Variants in CFAP251 observed in about 807,000 individuals in gnomAD.
CFAP251 encodes cilia and flagella associated protein 251.
Under a neutral mutation model 126.7 loss-of-function variants are expected in CFAP251, and 93 were observed. That is an observed-to-expected ratio of 0.73 (90% CI 0.62 to 0.87). The LOEUF (loss-of-function observed/expected upper bound fraction) is 0.87. CFAP251 is among the 40% of genes least tolerant of loss of function. CFAP251 has a pLI of 0.00. For missense variants in CFAP251, 1,287 were observed against 1,389.2 expected (o/e 0.93, Z 1.17); for synonymous variants, 503 against 506.9 (o/e 0.99, Z 0.10).
rs75803897 is a variant in CFAP251 at position 121,978,488 on chromosome 12, G to C, written c.3006+2803G>C. Among the ~76,000 whole-genome samples, 193 of 144,360 alleles carry C rather than the reference G, an allele frequency of 1.3e-3. 5 individuals are homozygous for C. The East Asian group carries it at 0.035, about 26-fold the overall frequency. The allele number at this position is 144,360 out of a possible 152,430, so 94.7% of individuals were successfully genotyped here. ...TTAACTTTTTCTAATTTAGAAAATAGAATTATAAAGAAGAAAATAGAAATT... is the reference window on the plus strand; with the variant it reads ...TTAACTTTTTCTAATTTAGAAAATACAATTATAAAGAAGAAAATAGAAATT... On this transcript the variant is annotated intron_variant, in intron 19 of 21. Coordinates refer to ENST00000288912, the MANE Select transcript of CFAP251 (RefSeq NM_144668.6).
At chr12:121,952,128 G>A (rs563496602) in intron 9 of CFAP251, among the ~76,000 whole-genome samples, 2 of 151,580 alleles carry the variant, frequency 1.3e-5, no homozygotes, top group Non-Finnish European at 2.9e-5. Context: ...TTGTGGGGGT[G>A]CAGTGGCTCT....
chr12:121,979,560 C>CTTTTTT (rs1244446250), intron 19 of CFAP251, among the ~76,000 whole-genome samples: 2 of 35,318 alleles, frequency 5.7e-5, no homozygotes, highest in African/African-American at 1.4e-4. Flanking sequence ...CAGCTTTCTT[C>CTTTTTT]TTCTTTTTTT....
intron 12 of CFAP251, 146 bp from the exon 13 acceptor site, chr12:121,958,797 T>G: frequency 9.4e-6 from 10 of 1,066,798 alleles, no homozygotes; most frequent in Non-Finnish European, 1.3e-5. Context: ...CCCCAGGAGA[T>G]CACGCGTTTC....
At chr12:121,967,419 C>T (rs145883696) in intron 16 of CFAP251, among the ~76,000 whole-genome samples, 73 of 152,302 alleles carry the variant, frequency 4.8e-4, no homozygotes, top group African/African-American at 1.5e-3. Flanking sequence ...AGTGTAAAGT[C>T]GGGCCAGGTG....
intron 4 of CFAP251, chr12:121,933,092 A>T (rs756814082): frequency 1.3e-5 from 2 of 152,258 alleles, no homozygotes; most frequent in African/African-American, 4.8e-5. Flanking sequence ...CCCTGCTCTC[A>T]TGGAGCTTAC....
intron 15 of CFAP251, among the ~76,000 whole-genome samples, chr12:121,965,958 G>A (rs1306134149): frequency 6.6e-6 from 1 of 150,930 alleles, no homozygotes; most frequent in Admixed American, 6.6e-5. Context: ...ACCAAGCCAG[G>A]CTAATTTTTC....
intron 2 of CFAP251, 108 bp downstream of exon 2, chr12:121,921,791 C>CAT: frequency 2.8e-6 from 2 of 715,374 alleles, no homozygotes; most frequent in Non-Finnish European, 3.8e-6. Flanking sequence ...ACAATCCATT[C>CAT]CTTTTTTTTT....
intron 19 of CFAP251, chr12:121,998,488 T>TATATATATA (rs1230224761): frequency 2.8e-5 from 3 of 105,548 alleles, no homozygotes; most frequent in African/African-American, 6.9e-5. Flanking sequence ...TATATATATA[T>TATATATATA]GATTGTGTTA....
Position 122,001,207 on chromosome 12 carries a change from C to T in CFAP251, c.3236-290C>T, listed in dbSNP as rs1883139704. ...GAGTAGCTGGGATTACAGGCCGCGCCACCACACCCGGCTAATTTTTGTATT... is the reference window on the plus strand; with the variant it reads ...GAGTAGCTGGGATTACAGGCCGCGCTACCACACCCGGCTAATTTTTGTATT... On this transcript the variant is annotated intron_variant, in intron 20 of 21. Coordinates refer to ENST00000288912, the MANE Select transcript of CFAP251 (RefSeq NM_144668.6). Among the ~76,000 whole-genome samples the T allele has an allele frequency of 2.6e-5, 4 of 151,768 alleles. No individual in the cohort carries two copies. In the South Asian group the frequency reaches 8.3e-4, roughly 32 times the overall value.
chr12:121,943,235 C>T (rs978711658), intron 7 of CFAP251, among the ~76,000 whole-genome samples: 1 of 151,666 alleles, frequency 6.6e-6, no homozygotes, highest in Non-Finnish European at 1.5e-5. Flanking sequence ...ATTTCTTGAA[C>T]CTGGGAGGCA....
chr12:121,935,064 A>T (rs1279476966), intron 5 of CFAP251, among the ~76,000 whole-genome samples: 2 of 152,190 alleles, frequency 1.3e-5, no homozygotes, highest in African/African-American at 4.8e-5. Flanking sequence ...GGACTCTCAA[A>T]GCACTGGGAT....
intron 3 of CFAP251, among the ~76,000 whole-genome samples, chr12:121,927,692 C>T (rs1306891484): frequency 6.6e-6 from 1 of 152,198 alleles, no homozygotes; most frequent in African/African-American, 2.4e-5. Context: ...AGTGAACGTG[C>T]TCCTCCATCT....
chr12:122,001,640 C>T, intron 21 of CFAP251, 42 bp downstream of exon 21: 1 of 1,513,830 alleles, frequency 6.6e-7, no homozygotes, highest in Non-Finnish European at 9.2e-7. Flanking sequence ...CTGTGGCTCA[C>T]TGATTTGTTG....
At chr12:121,944,534 A>G (rs978572022) in intron 7 of CFAP251, among the ~76,000 whole-genome samples, 3 of 152,122 alleles carry the variant, frequency 2.0e-5, no homozygotes, top group Non-Finnish European at 4.4e-5. Flanking sequence ...CTTGCCGTTT[A>G]TTTATGTCTT....
At chr12:121,973,755 G>A (rs956087665) in intron 17 of CFAP251, among the ~76,000 whole-genome samples, 1 of 152,048 alleles carries the variant, frequency 6.6e-6, no homozygotes, top group African/African-American at 2.4e-5. Context: ...CCTTTGTTTC[G>A]GCCAATTCCT....
intron 20 of CFAP251, among the ~76,000 whole-genome samples, chr12:122,000,414 T>A (rs569271451): frequency 3.0e-4 from 45 of 151,840 alleles, no homozygotes; most frequent in African/African-American, 1.1e-3. Flanking sequence ...TAGCCGGGTA[T>A]GGTGGCACAC....
intron 19 of CFAP251, among the ~76,000 whole-genome samples, chr12:121,983,852 A>T (rs1244931324): frequency 6.6e-6 from 1 of 152,192 alleles, no homozygotes; most frequent in African/African-American, 2.4e-5. Context: ...CTGAAGCTAC[A>T]CCGGGAGAAG....
At chr12:121,960,508 G>A (rs1482107611) in intron 13 of CFAP251, 77 bp from the exon 14 acceptor site, 45 of 1,525,226 alleles carry the variant, frequency 3.0e-5, no homozygotes, top group Non-Finnish European at 2.3e-5. Flanking sequence ...GTGAGCCACC[G>A]CGCCTGGCCC....
chr12:121,992,125 A>G (rs910229535), intron 19 of CFAP251: 1 of 814,282 alleles, frequency 1.2e-6, no homozygotes, highest in Non-Finnish European at 1.5e-6. Flanking sequence ...ACTGACAACC[A>G]CCAGTGCGTC....
Sources: gnomAD v4.1 joint callset for allele counts (sites outside exome capture counted in the v4.1 genomes callset) on GRCh38, gnomAD v4.1.1 for gene constraint, MANE v1.5 for transcripts, NCBI Gene and HGNC (gene_info 2026-07-23, HGNC 2026-07-21) for gene names.